IQCK: variants seen among roughly 807,000 people sequenced by gnomAD.
IQCK encodes the protein IQ domain-containing protein K.
A neutral mutation model predicts 28.1 loss-of-function variants in IQCK; 29 were observed. The ratio of observed to expected loss-of-function variants is 1.03; its 90% CI spans 0.77 to 1.41. The LOEUF (loss-of-function observed/expected upper bound fraction) is 1.41, where lower values mean the gene tolerates loss of function less well. Among genes scored for constraint, IQCK ranks in the 40% most tolerant of loss-of-function variants. The pLI, the probability that IQCK is intolerant of heterozygous loss-of-function variation, is 0.00. For synonymous variants in IQCK, 113 were observed against 115.1 expected, an observed-to-expected ratio of 0.98 and a Z score of 0.12; for missense variants, 359 against 314.7, an observed-to-expected ratio of 1.14 and a Z score of -1.07.
At chr16:19,829,689 C>G (rs1399670693), downstream of IQCK, among the ~76,000 whole-genome samples, 1 of 152,120 alleles carries the variant, frequency 6.6e-6, no homozygotes, top group African/African-American at 2.4e-5. Flanking sequence ...TTGTTTTGTG[C>G]TTTCTTTAAA....
chr16:19,847,196 G>T (rs2056424117), intron 9 of IQCK, among the ~76,000 whole-genome samples: 1 of 152,198 alleles, frequency 6.6e-6, no homozygotes, highest in African/African-American at 2.4e-5. Context: ...CATCTGGCTA[G>T]TGCAAATTTC....
intron 4 of IQCK, among the ~76,000 whole-genome samples, chr16:19,752,909 A>G (rs985670073): frequency 2.6e-5 from 4 of 152,150 alleles, no homozygotes; most frequent in African/African-American, 7.2e-5. Flanking sequence ...ATCTTCCAGC[A>G]CAGCTTGATC....
chr16:19,831,584 C>T (rs781761465), downstream of IQCK, among the ~76,000 whole-genome samples: 22 of 151,940 alleles, frequency 1.4e-4, no homozygotes, highest in Non-Finnish European at 2.9e-4. Context: ...ATGTTAAGCA[C>T]ATGCTAGTTC....
At chr16:19,753,989 G>T (rs188051262) in intron 4 of IQCK, among the ~76,000 whole-genome samples, 24 of 152,190 alleles carry the variant, frequency 1.6e-4, no homozygotes, top group Non-Finnish European at 2.9e-4. Context: ...TCTGAAGTGG[G>T]TCACATGCCC....
intron 4 of IQCK, among the ~76,000 whole-genome samples, chr16:19,748,290 G>GTT (rs2054940518): frequency 1.3e-5 from 2 of 152,010 alleles, no homozygotes; most frequent in Non-Finnish European, 2.9e-5. Context: ...GGCCAGGCCA[G>GTT]TCTGAAACTT....
At chr16:19,771,280 C>T (rs1052470902) in intron 6 of IQCK, among the ~76,000 whole-genome samples, 1 of 152,120 alleles carries the variant, frequency 6.6e-6, no homozygotes, top group Non-Finnish European at 1.5e-5. Flanking sequence ...TTGGTAGAAA[C>T]AGTGTTTTGG....
chr16:19,783,600 A>G (rs1459710785), intron 6 of IQCK, among the ~76,000 whole-genome samples: 1 of 152,138 alleles, frequency 6.6e-6, no homozygotes, highest in East Asian at 1.9e-4. Flanking sequence ...CAAGAGAGGG[A>G]AAAGGGCCTG....
At chr16:19,843,898 G>T (rs1331747567) in intron 9 of IQCK, among the ~76,000 whole-genome samples, 1 of 152,158 alleles carries the variant, frequency 6.6e-6, no homozygotes, top group Non-Finnish European at 1.5e-5. Context: ...TTCATCATAT[G>T]AATTCTGAGG....
At chr16:19,793,638 G>GT in intron 7 of IQCK, among the ~76,000 whole-genome samples, 2 of 79,494 alleles carry the variant, frequency 2.5e-5, no homozygotes, top group Non-Finnish European at 2.3e-5. Flanking sequence ...CGAAATCTCA[G>GT]TTGGGTTTTT....
intron 7 of IQCK, among the ~76,000 whole-genome samples, chr16:19,824,396 T>C (rs1029160376): frequency 2.6e-5 from 4 of 151,804 alleles, no homozygotes; most frequent in Non-Finnish European, 5.9e-5. Context: ...CGATAGGGAG[T>C]GGCTGCAGAT....
chr16:19,836,973 C>T (rs1328616112), intron 9 of IQCK, among the ~76,000 whole-genome samples: 1 of 152,142 alleles, frequency 6.6e-6, no homozygotes, highest in Non-Finnish European at 1.5e-5. Context: ...AATACTAATA[C>T]TAGTAACCAA....
chr16:19,769,314 A>G lies in IQCK; in HGVS notation c.605+5202A>G, dbSNP rs553493054. 2.0e-5 allele frequency among the ~76,000 whole-genome samples: 3 copies of G among 152,350 alleles called. No individual in the cohort carries two copies. In the South Asian group the frequency reaches 6.2e-4, roughly 32 times the overall value. On this transcript the variant is annotated intron_variant, in intron 6 of 7. Coordinates refer to ENST00000564186, the Ensembl canonical transcript of IQCK. ...GAGGAGTATCAAAGAATGTGTGGAC[A>G]TATTTATTTTAAAAGCATCACAGCA...
At chr16:19,775,866 C>CTGTTT (rs2055385749) in intron 6 of IQCK, among the ~76,000 whole-genome samples, 1 of 37,698 alleles carries the variant, frequency 2.7e-5, no homozygotes, top group South Asian at 1.7e-3. Context: ...TGGGCACAGG[C>CTGTTT]TTTTTTTTTT....
At chr16:19,731,687 A>G (rs1977845033) in intron 2 of IQCK, among the ~76,000 whole-genome samples, 1 of 152,204 alleles carries the variant, frequency 6.6e-6, no homozygotes, top group Admixed American at 6.5e-5. Flanking sequence ...TAGCTGGTAT[A>G]TTAGGGTTCT....
At chr16:19,778,077 G>C (rs1262769584) in intron 6 of IQCK, among the ~76,000 whole-genome samples, 1 of 152,084 alleles carries the variant, frequency 6.6e-6, no homozygotes, top group East Asian at 1.9e-4. Flanking sequence ...CCAGTTCAGA[G>C]AGCCTGTGCG....
intron 4 of IQCK, chr16:19,735,758 A>G: frequency 2.6e-6 from 1 of 384,502 alleles, no homozygotes; most frequent in South Asian, 2.3e-5. Context: ...TGTTTATTAC[A>G]TGCACTGATT....
In IQCK at chr16:19,810,047, G is replaced by C. The variant is rs1296348291; in HGVS notation, c.691-16979G>C. Among the ~76,000 whole-genome samples, 3 of 152,100 alleles carry C rather than the reference G, an allele frequency of 2.0e-5. No individual in the cohort carries two copies. In the East Asian group the frequency reaches 5.8e-4, roughly 29 times the overall value. On this transcript the variant is annotated intron_variant, in intron 7 of 7. Transcript: ENST00000564186. ...TGGTGGTACGACTCAGCCTTCAGTG[G>C]GTTTTTTTTAGAGCACCCCCAAGAG...
chr16:19,843,293 C>A (rs1228808277), intron 9 of IQCK, among the ~76,000 whole-genome samples: 1 of 152,078 alleles, frequency 6.6e-6, no homozygotes, highest in Non-Finnish European at 1.5e-5. Flanking sequence ...GAATTTGCAA[C>A]CATCACTAAA....
At chr16:19,735,298 G>T (rs1977975741) in intron 3 of IQCK, 55 bp from the exon 4 acceptor site, 1 of 1,181,418 alleles carries the variant, frequency 8.5e-7, no homozygotes, top group South Asian at 1.2e-5. Flanking sequence ...ATTTCTCCCA[G>T]ATTGGCTCGG....
Sources: allele counts gnomAD v4.1 joint callset (sites outside exome capture counted in the v4.1 genomes callset), GRCh38; gene constraint gnomAD v4.1.1; transcripts MANE v1.5; gene names NCBI Gene and HGNC (gene_info 2026-07-23, HGNC 2026-07-21).